Variants in ZDHHC14 observed in about 807,000 individuals in gnomAD.
The protein encoded by ZDHHC14 is palmitoyltransferase ZDHHC14.
ZDHHC14 carries 16 observed loss-of-function variants against 47.7 expected under a neutral mutation model. The observed-to-expected ratio is 0.34, with a 90% CI of 0.23 to 0.51. The LOEUF (loss-of-function observed/expected upper bound fraction) is 0.51. Ranked by LOEUF, ZDHHC14 falls within the 20% of genes least tolerant of loss-of-function variation. The pLI, the probability that ZDHHC14 is intolerant of heterozygous loss-of-function variation, is 0.97. For synonymous variants in ZDHHC14, 293 were observed against 278.9 expected (o/e 1.05, Z -0.50); for missense variants, 515 against 662.5 (o/e 0.78, Z 2.44).
chr6:157,562,828 G>A (rs932701728), intron 2 of ZDHHC14, among the ~76,000 whole-genome samples: 1 of 152,142 alleles, frequency 6.6e-6, no homozygotes, highest in Non-Finnish European at 1.5e-5. Flanking sequence ...GAAAATGGAG[G>A]TTGTGTCAGC....
chr6:157,612,110 T>C (rs1279293091), intron 3 of ZDHHC14, among the ~76,000 whole-genome samples: 2 of 152,210 alleles, frequency 1.3e-5, no homozygotes, highest in African/African-American at 4.8e-5. Context: ...GACTCCTTTC[T>C]CTGCCACACC....
chr6:157,663,526 A>C (rs1778427783), intron 8 of ZDHHC14, among the ~76,000 whole-genome samples: 1 of 152,166 alleles, frequency 6.6e-6, no homozygotes, highest in Admixed American at 6.5e-5. Context: ...CTTTGAGCCC[A>C]TTGTGTCTCA....
At chr6:157,619,593 GAGAC>G (rs1478405908) in intron 3 of ZDHHC14, among the ~76,000 whole-genome samples, 1 of 152,208 alleles carries the variant, frequency 6.6e-6, no homozygotes, top group Non-Finnish European at 1.5e-5. Context: ...GGGGAGGGGA[GAGAC>G]ACCTTAGAGT....
chr6:157,634,158 T>G (rs1776851198), intron 5 of ZDHHC14, among the ~76,000 whole-genome samples: 2 of 152,132 alleles, frequency 1.3e-5, no homozygotes. Flanking sequence ...TTCCAGTACC[T>G]CTGTGTTTGT....
intron 1 of ZDHHC14, among the ~76,000 whole-genome samples, chr6:157,531,692 G>C (rs1781375191): frequency 6.6e-6 from 1 of 152,054 alleles, no homozygotes; most frequent in African/African-American, 2.4e-5. Context: ...CTGGCAGGTA[G>C]TGTGTATTCA....
intron 7 of ZDHHC14, among the ~76,000 whole-genome samples, chr6:157,653,268 G>A (rs2114992071): frequency 6.6e-6 from 1 of 152,326 alleles, no homozygotes; most frequent in South Asian, 2.1e-4. Flanking sequence ...TAGACAAGAG[G>A]GAGATGCTGT....
chr6:157,426,387 G>A (rs970697140), intron 1 of ZDHHC14, among the ~76,000 whole-genome samples: 5 of 152,174 alleles, frequency 3.3e-5, no homozygotes, highest in African/African-American at 1.2e-4. Flanking sequence ...ATTTGGTTTG[G>A]AACATTCAAC....
chr6:157,449,788 A>T (rs1778760804), intron 1 of ZDHHC14, among the ~76,000 whole-genome samples: 1 of 152,156 alleles, frequency 6.6e-6, no homozygotes, highest in African/African-American at 2.4e-5. Context: ...TTATTGATGG[A>T]AAATTCATGC....
intron 1 of ZDHHC14, among the ~76,000 whole-genome samples, chr6:157,383,360 G>T (rs1395191998): frequency 6.6e-6 from 1 of 152,134 alleles, no homozygotes; most frequent in Non-Finnish European, 1.5e-5. Flanking sequence ...TTATTATTGG[G>T]CTTGATACTC....
Position 157,673,402 on chromosome 6 carries a change from C to T in ZDHHC14, c.*280C>T, listed in dbSNP as rs1028818239. ...TTTGGTGACCCTCCAGGGGTGGAAT[C>T]GGAGTGTGTCTGCCCGCCCTTGTGA... On this transcript the variant is annotated 3_prime_UTR_variant, in exon 9 of 9. Transcript: ENST00000359775. The surrounding 1 kb of genome is among the most constrained non-coding windows in gnomAD (Gnocchi z 5.4). The T allele has an allele frequency of 4.9e-5, 24 of 492,888 alleles. No homozygotes were observed. Among genetic ancestry groups the T allele is most frequent in the African/African-American group, 3.1e-4 (15 of 48,908 alleles). The allele number at this position is 492,888 out of a possible 1,614,324, so 30.5% of individuals were successfully genotyped here.
At chr6:157,521,959 A>G (rs1260720873) in intron 1 of ZDHHC14, among the ~76,000 whole-genome samples, 1 of 152,244 alleles carries the variant, frequency 6.6e-6, no homozygotes, top group African/African-American at 2.4e-5. Flanking sequence ...ATAAAGGAGA[A>G]ACATTTGAGA....
At chr6:157,433,242 C>T (rs951282784) in intron 1 of ZDHHC14, among the ~76,000 whole-genome samples, 4 of 152,196 alleles carry the variant, frequency 2.6e-5, no homozygotes, top group African/African-American at 9.7e-5. Context: ...ATTAAGTTGG[C>T]TCTTATAATT....
intron 1 of ZDHHC14, among the ~76,000 whole-genome samples, chr6:157,504,963 A>G (rs1252976335): frequency 6.6e-6 from 1 of 151,372 alleles, no homozygotes; most frequent in South Asian, 2.1e-4. Flanking sequence ...GGTGAGCGCC[A>G]CCACACCCGG....
intron 1 of ZDHHC14, among the ~76,000 whole-genome samples, chr6:157,493,748 GT>G (rs1202343176): frequency 6.6e-6 from 1 of 152,256 alleles, no homozygotes; most frequent in Non-Finnish European, 1.5e-5. Flanking sequence ...TGCCCGCTTC[GT>G]GTCTGCGCAC....
chr6:157,618,846 T>C (rs1363639048), intron 3 of ZDHHC14, among the ~76,000 whole-genome samples: 1 of 152,234 alleles, frequency 6.6e-6, no homozygotes, highest in Non-Finnish European at 1.5e-5. Flanking sequence ...AGATCCTAAC[T>C]GGCCAATTCA....
At chr6:157,638,395 G>T (rs1160713909) in intron 5 of ZDHHC14, among the ~76,000 whole-genome samples, 1 of 152,154 alleles carries the variant, frequency 6.6e-6, no homozygotes, top group Non-Finnish European at 1.5e-5. Flanking sequence ...AGGCAGTGGG[G>T]AGGGGCCTCT....
intron 2 of ZDHHC14, among the ~76,000 whole-genome samples, chr6:157,562,792 T>C (rs1235856492): frequency 1.3e-5 from 2 of 152,078 alleles, no homozygotes; most frequent in Non-Finnish European, 2.9e-5. Context: ...TGAAGTGTAG[T>C]GCTGTGGAGA....
Position 157,637,655 on chromosome 6 carries a change from C to A in ZDHHC14, c.752+4773C>A, listed in dbSNP as rs574668150. ...ACTTGCCTGAGCACAGGACTGGAGT[C>A]TAGAGGAACCTCTGCAAGTGACCTC... On this transcript the variant is annotated intron_variant, in intron 5 of 8. Transcript: ENST00000359775. Among the ~76,000 whole-genome samples, 13 of 152,288 alleles carry A rather than the reference C, an allele frequency of 8.5e-5. No homozygotes were observed. The South Asian group carries it at 2.5e-3, about 29-fold the overall frequency.
At chr6:157,670,035 A>T (rs937781473) in intron 8 of ZDHHC14, among the ~76,000 whole-genome samples, 1 of 152,222 alleles carries the variant, frequency 6.6e-6, no homozygotes, top group Non-Finnish European at 1.5e-5. Flanking sequence ...CCCTGTCAAG[A>T]CTGAGCCCAT....
Sources: gnomAD v4.1 joint callset for allele counts (sites outside exome capture counted in the v4.1 genomes callset) on GRCh38, gnomAD v4.1.1 for gene constraint, Gnocchi (gnomAD v3.1) non-coding constraint, MANE v1.5 for transcripts, NCBI Gene and HGNC (gene_info 2026-07-23, HGNC 2026-07-21) for gene names.